Variants in ELMO2 observed in about 807,000 individuals in gnomAD.
ELMO2 encodes the protein engulfment and cell motility protein 2.
ELMO2 carries 37 observed loss-of-function variants against 96.2 expected under a neutral mutation model. The observed-to-expected ratio is 0.38, with a 90% CI of 0.30 to 0.51. ELMO2 has a LOEUF of 0.51. Ranked by LOEUF, ELMO2 falls within the 20% of genes least tolerant of loss-of-function variation. The pLI is 0.88. For missense variants in ELMO2, 561 were observed against 912.6 expected (o/e 0.61, Z 4.96); for synonymous variants, 315 against 329.4 (o/e 0.96, Z 0.47).
At chr20:46,386,971 C>A (rs988105251) in intron 8 of ELMO2, among the ~76,000 whole-genome samples, 1 of 152,124 alleles carries the variant, frequency 6.6e-6, no homozygotes, top group Non-Finnish European at 1.5e-5. Context: ...GGCAAATTTA[C>A]AAATGAAATG....
At chr20:46,384,044 T>C (rs1451538007) in intron 9 of ELMO2, among the ~76,000 whole-genome samples, 1 of 152,186 alleles carries the variant, frequency 6.6e-6, no homozygotes, top group Non-Finnish European at 1.5e-5. Context: ...TGGAGAAATG[T>C]TCAAGGTGTA....
intron 2 of ELMO2, among the ~76,000 whole-genome samples, chr20:46,397,787 AAGCCAAAGATCCGTACG>A (rs2060271999): frequency 6.6e-6 from 1 of 152,238 alleles, no homozygotes; most frequent in African/African-American, 2.4e-5. Flanking sequence ...ATACCATGGC[AAGCCAAAGATCCGTACG>A]AGCCAAAGAT....
chr20:46,391,287 T>C (rs949994757), intron 6 of ELMO2, among the ~76,000 whole-genome samples: 2 of 152,170 alleles, frequency 1.3e-5, no homozygotes, highest in African/African-American at 4.8e-5. Flanking sequence ...TTGGCTACTT[T>C]ATTAGCTGTG....
In ELMO2 at chr20:46,367,961, C is replaced by T. The variant is rs186984484; in HGVS notation, c.1963-401G>A. 4.6e-5 allele frequency among the ~76,000 whole-genome samples: 7 copies of T among 151,628 alleles called. No individual in the cohort carries two copies. The East Asian group carries it at 1.2e-3, about 25-fold the overall frequency. On this transcript the variant is annotated intron_variant, in intron 21 of 21. Transcript: ENST00000290246. ...TGTGGGATCTCAATTTTGTGCCCCGCCCCCCCGAAAACAAAATTAAAAATA... is the reference window on the plus strand; with the variant it reads ...TGTGGGATCTCAATTTTGTGCCCCGTCCCCCCGAAAACAAAATTAAAAATA...
At chr20:46,406,164 G>T (rs1410507151) in intron 1 of ELMO2, among the ~76,000 whole-genome samples, 1 of 151,892 alleles carries the variant, frequency 6.6e-6, no homozygotes, top group African/African-American at 2.4e-5. Context: ...GGCCCGCCCC[G>T]AGCGCTCTCC....
chr20:46,399,586 C>T (rs1337893484), intron 1 of ELMO2, among the ~76,000 whole-genome samples: 2 of 152,180 alleles, frequency 1.3e-5, no homozygotes, highest in Non-Finnish European at 1.5e-5. Flanking sequence ...TTAATGAGTA[C>T]GATTTTGTCA....
At chr20:46,383,192 T>G (rs758216091) in intron 10 of ELMO2, among the ~76,000 whole-genome samples, 4 of 152,192 alleles carry the variant, frequency 2.6e-5, no homozygotes, top group Non-Finnish European at 5.9e-5. Flanking sequence ...AGGAAAAAGT[T>G]TGAAGGGCCC....
rs569255536 is a variant in ELMO2, at chr20:46,379,946, C to G, written c.807+307G>C. 198 of 243,958 alleles carry G rather than the reference C, an allele frequency of 8.1e-4. 1 individual carries two copies. The highest frequency in any genetic ancestry group is 4.1e-3 in the African/African-American group (183 of 44,876). The allele number at this position is 243,958 out of a possible 1,614,324, so 15.1% of individuals were successfully genotyped here. ...TGTCAGTTGGATGAGTTATTTTCCCCCTTTGTGCCTATTTTAACATATTCC... is the reference window on the plus strand; with the variant it reads ...TGTCAGTTGGATGAGTTATTTTCCCGCTTTGTGCCTATTTTAACATATTCC... On this transcript the variant is annotated intron_variant, in intron 11 of 21. Coordinates refer to ENST00000290246, the MANE Select transcript of ELMO2 (RefSeq NM_133171.5).
intron 2 of ELMO2, among the ~76,000 whole-genome samples, chr20:46,394,943 T>C (rs188548296): frequency 3.3e-5 from 5 of 152,346 alleles, no homozygotes; most frequent in African/African-American, 1.2e-4. Flanking sequence ...AGGCTACTTC[T>C]TTCTGCAGTC....
At position 46,394,038 on chromosome 20, in the gene ELMO2, T is replaced by C. The variant is rs751553273; in HGVS notation, c.119+11A>G. On this transcript the variant is annotated intron_variant, in intron 4 of 21. Transcript: ENST00000290246. Reference sequence around the variant, plus strand: ...CTGCCACTGTTGAAAACGAGGTCCATTTCAACCTACCCATCACAAACTTCC... The same window carrying C: ...CTGCCACTGTTGAAAACGAGGTCCACTTCAACCTACCCATCACAAACTTCC... 4.3e-6 allele frequency: 7 copies of C among 1,613,930 alleles called. No homozygotes were observed. In the Admixed American group the frequency reaches 1.0e-4, roughly 23 times the overall value.
At chr20:46,372,043 G>A (rs1352993259) in intron 16 of ELMO2, 74 bp from the exon 17 acceptor site, 2 of 1,586,724 alleles carry the variant, frequency 1.3e-6, no homozygotes, top group East Asian at 2.2e-5. Flanking sequence ...GGAGCACCAA[G>A]GCTCTTTCCT....
intron 1 of ELMO2, among the ~76,000 whole-genome samples, chr20:46,405,883 CGGAAAGGTTTCAAAAAAAAA>C (rs1285569881): frequency 1.3e-5 from 2 of 152,002 alleles, no homozygotes; most frequent in Non-Finnish European, 2.9e-5. Flanking sequence ...GACTCCGTCT[CGGAAAGGTTTCAAAAAAAAA>C]GGAAAGGTTT....
At chr20:46,374,098 G>GTTTTTTTT (rs60843274) in intron 15 of ELMO2, among the ~76,000 whole-genome samples, 1 of 63,030 alleles carries the variant, frequency 1.6e-5, no homozygotes, top group African/African-American at 6.2e-5. Context: ...CTAATTTTTG[G>GTTTTTTTT]TTTTTTTTTT....
rs1036050895 is a variant in ELMO2, at chr20:46,366,923, C to T, written c.*437G>A. On this transcript the variant is annotated 3_prime_UTR_variant, in exon 22 of 22. Coordinates refer to ENST00000290246, the MANE Select transcript of ELMO2 (RefSeq NM_133171.5). ...CTCAGATCTAAGATACAGGTAGTCACTTCAAGGCTCTCAACACGCCCAACA... is the reference window on the plus strand; with the variant it reads ...CTCAGATCTAAGATACAGGTAGTCATTTCAAGGCTCTCAACACGCCCAACA... The T allele has an allele frequency of 1.9e-5, 3 of 156,304 alleles. No individual in the cohort carries two copies. Among genetic ancestry groups the T allele is most frequent in the African/African-American group, 7.2e-5 (3 of 41,564 alleles). The allele number at this position is 156,304 out of a possible 1,614,324, so 9.7% of individuals were successfully genotyped here. A position where few individuals can be genotyped will look rare whatever the true frequency, so the allele number is the denominator to read the frequency against.
intron 10 of ELMO2, 75 bp downstream of exon 10, chr20:46,383,341 C>T: frequency 1.4e-6 from 2 of 1,410,090 alleles, no homozygotes; most frequent in Non-Finnish European, 1.0e-6. Context: ...GTGCTCTCTG[C>T]ATAGCAAAGA....
chr20:46,383,010 C>T (rs2059983703), intron 10 of ELMO2, among the ~76,000 whole-genome samples: 1 of 152,160 alleles, frequency 6.6e-6, no homozygotes, highest in Non-Finnish European at 1.5e-5. Context: ...AAACTATGGC[C>T]ATATTAGGCC....
chr20:46,387,590 C>T (rs1395519749), intron 7 of ELMO2, 153 bp from the exon 8 acceptor site: 2 of 500,748 alleles, frequency 4.0e-6, no homozygotes, highest in Non-Finnish European at 3.6e-6. Flanking sequence ...GTGTGCACAC[C>T]TAGCCAGTGT....
At chr20:46,382,032 C>T (rs1035771944) in intron 10 of ELMO2, among the ~76,000 whole-genome samples, 15 of 152,220 alleles carry the variant, frequency 9.9e-5, no homozygotes, top group African/African-American at 3.6e-4. Flanking sequence ...CTTTCTGTGA[C>T]TCTAATCTGC....
intron 10 of ELMO2, among the ~76,000 whole-genome samples, chr20:46,382,421 A>G (rs2059973303): frequency 6.6e-6 from 1 of 152,218 alleles, no homozygotes; most frequent in South Asian, 2.1e-4. Flanking sequence ...GGGTACATAC[A>G]TGATCCCACT....
Sources: allele counts gnomAD v4.1 joint callset (sites outside exome capture counted in the v4.1 genomes callset), GRCh38; gene constraint gnomAD v4.1.1; transcripts MANE v1.5; gene names NCBI Gene and HGNC (gene_info 2026-07-23, HGNC 2026-07-21).